The following PERP variants were observed in gnomAD, a reference collection of about 807,000 sequenced individuals.
PERP encodes p53 apoptosis effector related to PMP22, also known as p53 apoptosis effector related to PMP-22.
A neutral mutation model predicts 20.3 loss-of-function variants in PERP; 11 were observed. The ratio of observed to expected loss-of-function variants is 0.54; its 90% confidence interval spans 0.34 to 0.90. The LOEUF (loss-of-function observed/expected upper bound fraction) is 0.90. Among genes scored for constraint, PERP ranks in the 40% least tolerant of loss-of-function variants. PERP has a pLI of 0.02. For missense variants in PERP, 224 were observed against 249.4 expected (o/e 0.90, Z 0.69); for synonymous variants, 101 against 102.0 (o/e 0.99, Z 0.06).
intron 1 of PERP, among the ~76,000 whole-genome samples, chr6:138,104,234 T>G (rs2114345188): frequency 6.6e-6 from 1 of 152,352 alleles, no homozygotes; most frequent in Middle Eastern, 3.4e-3. Context: ...AGGTGAAATT[T>G]GAATGATTTC....
chr6:138,098,208 G>A (rs552432789), intron 1 of PERP, among the ~76,000 whole-genome samples: 6 of 152,192 alleles, frequency 3.9e-5, no homozygotes, highest in Non-Finnish European at 8.8e-5. Flanking sequence ...AGAGTCATGA[G>A]TCACCTGTCC....
intron 1 of PERP, among the ~76,000 whole-genome samples, chr6:138,105,957 T>C (rs933891150): frequency 6.6e-6 from 1 of 152,192 alleles, no homozygotes; most frequent in Non-Finnish European, 1.5e-5. Context: ...ACCTGGCTAA[T>C]GGGGACCATG....
chr6:138,092,410 G>T, intron 2 of PERP, 142 bp from the exon 3 acceptor site: 1 of 761,716 alleles, frequency 1.3e-6, no homozygotes. Context: ...GAGGAATCTG[G>T]TTAGGCAGAG....
chr6:138,095,379 T>C (rs1040469607), intron 2 of PERP, among the ~76,000 whole-genome samples: 2 of 152,226 alleles, frequency 1.3e-5, no homozygotes, highest in Non-Finnish European at 2.9e-5. Context: ...CCCACAGCTC[T>C]GCGAACTTAA....
intron 1 of PERP, among the ~76,000 whole-genome samples, chr6:138,103,235 C>T (rs142753208): frequency 0.075 from 11,341 of 151,810 alleles, 591 homozygotes; most frequent in Middle Eastern, 0.17. Context: ...CTGCAACCTC[C>T]GCCTCCCGGG....
At chr6:138,099,154 A>C (rs981638595) in intron 1 of PERP, among the ~76,000 whole-genome samples, 4 of 152,182 alleles carry the variant, frequency 2.6e-5, no homozygotes, top group Non-Finnish European at 5.9e-5. Flanking sequence ...CTCCCTCCAG[A>C]CCTATGGAAT....
At position 138,105,184 on chromosome 6, in the gene PERP, A is replaced by ATAAC. The variant is rs1391845869; in HGVS notation, c.214+1939_214+1942dup. Among the ~76,000 whole-genome samples the ATAAC allele has an allele frequency of 5.9e-5, 9 of 152,340 alleles. No homozygotes were observed. In the East Asian group the frequency reaches 1.7e-3, roughly 29 times the overall value. The stretch of plus-strand genomic sequence containing the variant: ...AATTAACTTTGCAAAGGTAGCAGGA[A>ATAAC]TAACTAAACTGAGTTGTTAAAGCTA... On this transcript the variant is annotated intron_variant, in intron 1 of 2. Transcript: ENST00000421351.
chr6:138,105,363 A>G (rs373079563), intron 1 of PERP, among the ~76,000 whole-genome samples: 1 of 152,268 alleles, frequency 6.6e-6, no homozygotes, highest in East Asian at 1.9e-4. Flanking sequence ...AAAAATTAAC[A>G]TTTAGACTTC....
intron 2 of PERP, among the ~76,000 whole-genome samples, chr6:138,096,153 C>G (rs1775687284): frequency 6.6e-6 from 1 of 152,148 alleles, no homozygotes; most frequent in African/African-American, 2.4e-5. Flanking sequence ...ATGGGGACTA[C>G]AGAACACTGC....
intron 1 of PERP, among the ~76,000 whole-genome samples, chr6:138,101,267 G>A (rs183311613): frequency 1.5e-3 from 224 of 152,262 alleles, no homozygotes; most frequent in Middle Eastern, 3.4e-3. Context: ...CTATTCAGGA[G>A]GCTGAGGCAT....
At chr6:138,099,729 A>T (rs1281268939) in intron 1 of PERP, among the ~76,000 whole-genome samples, 1 of 152,248 alleles carries the variant, frequency 6.6e-6, no homozygotes, top group Non-Finnish European at 1.5e-5. Context: ...CTAACATTAT[A>T]GCTGAAGTAT....
intron 1 of PERP, among the ~76,000 whole-genome samples, chr6:138,105,316 T>C (rs1019121571): frequency 6.6e-6 from 1 of 152,244 alleles, no homozygotes; most frequent in Non-Finnish European, 1.5e-5. Flanking sequence ...AACTGAATTA[T>C]AAACTATACA....
intron 2 of PERP, 152 bp from the exon 3 acceptor site, chr6:138,092,420 G>C: frequency 1.4e-6 from 1 of 697,760 alleles, no homozygotes; most frequent in Non-Finnish European, 2.4e-6. Context: ...GTTAGGCAGA[G>C]GCCAAAAAAG....
intron 2 of PERP, among the ~76,000 whole-genome samples, chr6:138,095,561 A>C (rs763814449): frequency 6.6e-6 from 1 of 152,160 alleles, no homozygotes; most frequent in Admixed American, 6.5e-5. Context: ...CCATAAGCCT[A>C]AACTGGTAAG....
Position 138,107,207 on chromosome 6 carries a change from G to T in PERP, c.134C>A (p.Ser45Tyr). ...WLQSSDHGQTSSLWWKCSQEG... is the reference protein window; with the variant it reads ...WLQSSDHGQTYSLWWKCSQEG... ...TTGGGAGCATTTCCACCACAGCGAG[G>T]ACGTCTGGCCGTGGTCGCTAGACTG... is the stretch of plus-strand genomic sequence containing the variant. Residue 45 changes from serine to tyrosine, a missense_variant, in exon 1 of 3, where the codon TCC becomes TAC. By Grantham distance (144) the Ser-to-Tyr change is moderately radical. Coordinates refer to ENST00000421351, the MANE Select transcript of PERP (RefSeq NM_022121.5). The surrounding 1 kb of genome is among the most constrained non-coding windows in gnomAD (Gnocchi z 4.8). The T allele has an allele frequency of 6.2e-7, 1 of 1,612,424 alleles. No individual in the cohort carries two copies. Among genetic ancestry groups the T allele is most frequent in the Non-Finnish European group, 8.5e-7 (1 of 1,179,670 alleles).
chr6:138,095,972 G>T lies in PERP; in HGVS notation c.355+382C>A, dbSNP rs534897892. Among the ~76,000 whole-genome samples the T allele has an allele frequency of 9.9e-5, 15 of 152,248 alleles. No individual in the cohort carries two copies. The East Asian group carries it at 2.7e-3, about 27-fold the overall frequency. ...TTTCAACAAGGGAAATAGTTCAGGGGCATTCAGGTCCCCTCAGCAGGGGGC... is the reference window on the plus strand; with the variant it reads ...TTTCAACAAGGGAAATAGTTCAGGGTCATTCAGGTCCCCTCAGCAGGGGGC... On this transcript the variant is annotated intron_variant, in intron 2 of 2. Coordinates refer to ENST00000421351, the MANE Select transcript of PERP (RefSeq NM_022121.5).
intron 2 of PERP, 35 bp from the exon 3 acceptor site, chr6:138,092,303 C>G: frequency 6.6e-7 from 1 of 1,515,690 alleles, no homozygotes; most frequent in Non-Finnish European, 9.2e-7. Flanking sequence ...GGTATGAATG[C>G]ATACATGCAT....
chr6:138,101,919 C>T (rs1374996546), intron 1 of PERP, among the ~76,000 whole-genome samples: 1 of 152,178 alleles, frequency 6.6e-6, no homozygotes, highest in Non-Finnish European at 1.5e-5. Context: ...CGATTCCGAT[C>T]CTTAGGCCAG....
At chr6:138,100,091 G>A (rs187028277) in intron 1 of PERP, among the ~76,000 whole-genome samples, 97 of 152,302 alleles carry the variant, frequency 6.4e-4, no homozygotes, top group South Asian at 8.3e-4. Context: ...AATAACAGAC[G>A]TCTTCAAGTA....
Sources: allele counts gnomAD v4.1 joint callset (sites outside exome capture counted in the v4.1 genomes callset), GRCh38; gene constraint gnomAD v4.1.1; non-coding constraint Gnocchi (gnomAD v3.1); transcripts MANE v1.5; gene names NCBI Gene and HGNC (gene_info 2026-07-23, HGNC 2026-07-21).